The following SCLT1 variants were observed in gnomAD, a reference collection of about 807,000 sequenced individuals.
The protein encoded by SCLT1 is sodium channel and clathrin linker 1.
A neutral mutation model predicts 112.8 loss-of-function variants in SCLT1; 78 were observed. The observed-to-expected ratio is 0.69, with a 90% confidence interval of 0.58 to 0.83. The LOEUF is 0.83. Ranked by LOEUF, SCLT1 falls within the 40% of genes least tolerant of loss-of-function variation. The pLI is 0.00. For missense variants in SCLT1, 747 were observed against 770.4 expected, an observed-to-expected ratio of 0.97 and a Z score of 0.36; for synonymous variants, 257 against 254.7, an observed-to-expected ratio of 1.01 and a Z score of -0.09.
intron 18 of SCLT1, among the ~76,000 whole-genome samples, chr4:128,918,415 A>G (rs1735633126): frequency 6.6e-6 from 1 of 152,232 alleles, no homozygotes; most frequent in Non-Finnish European, 1.5e-5. Context: ...TAACAGTGCA[A>G]TCAACCAACC....
At chr4:128,982,445 G>A (rs897914157) in intron 9 of SCLT1, among the ~76,000 whole-genome samples, 2 of 152,264 alleles carry the variant, frequency 1.3e-5, no homozygotes, top group African/African-American at 4.8e-5. Flanking sequence ...CAAATTATAG[G>A]CTCCTTACAT....
chr4:129,020,032 A>G (rs979138074), intron 5 of SCLT1, among the ~76,000 whole-genome samples: 2 of 152,168 alleles, frequency 1.3e-5, no homozygotes, highest in African/African-American at 4.8e-5. Context: ...AAAATTTTAT[A>G]TCATCTGGTC....
In SCLT1 at chr4:129,027,823, C is replaced by G. The variant is rs189074179; in HGVS notation, c.290+11218G>C. Among the ~76,000 whole-genome samples, 249 of 152,292 alleles carry G rather than the reference C, an allele frequency of 1.6e-3. 2 individuals are homozygous for G. Among genetic ancestry groups the G allele is most frequent in the East Asian group, 0.014 (71 of 5,188 alleles). ...CTCCTTAAGCTGATAAGCAACTCAG[C>G]AAAGTCTCAGGATACAAAATCAATA... On this transcript the variant is annotated intron_variant, in intron 5 of 20. Coordinates refer to ENST00000281142, the MANE Select transcript of SCLT1 (RefSeq NM_144643.4).
At chr4:128,885,412 T>C (rs1732818211) in intron 20 of SCLT1, among the ~76,000 whole-genome samples, 1 of 152,210 alleles carries the variant, frequency 6.6e-6, no homozygotes, top group Non-Finnish European at 1.5e-5. Flanking sequence ...TCTTCATTCC[T>C]TTAATTTAAA....
intron 5 of SCLT1, among the ~76,000 whole-genome samples, chr4:129,019,441 C>T (rs551888403): frequency 6.6e-6 from 1 of 152,252 alleles, no homozygotes; most frequent in South Asian, 2.1e-4. Flanking sequence ...AATATGGCTG[C>T]ATCTCACTTT....
intron 8 of SCLT1, among the ~76,000 whole-genome samples, chr4:128,992,499 C>T (rs536709186): frequency 2.0e-5 from 3 of 151,884 alleles, no homozygotes; most frequent in Non-Finnish European, 2.9e-5. Context: ...GCTCATCTAT[C>T]CACCTGGGCA....
chr4:128,905,990 C>A (rs3113407), intron 18 of SCLT1, among the ~76,000 whole-genome samples: 31,765 of 151,890 alleles, frequency 0.21, 3,870 homozygotes, highest in African/African-American at 0.32. Context: ...AATGAAAACT[C>A]CTAAGGAGAA....
chr4:128,959,810 A>G (rs1374521079), intron 11 of SCLT1, 33 bp from the exon 12 acceptor site: 1 of 1,570,768 alleles, frequency 6.4e-7, no homozygotes, highest in Non-Finnish European at 8.7e-7. Flanking sequence ...GGAAAGTTAA[A>G]CTTTTTTAAA....
intron 18 of SCLT1, among the ~76,000 whole-genome samples, chr4:128,922,360 C>T (rs1210496757): frequency 6.6e-6 from 1 of 151,524 alleles, no homozygotes; most frequent in African/African-American, 2.4e-5. Flanking sequence ...TGTAGATTCA[C>T]TGTGGCACTA....
chr4:128,969,243 G>A (rs1310331309), intron 10 of SCLT1, among the ~76,000 whole-genome samples: 1 of 151,998 alleles, frequency 6.6e-6, no homozygotes, highest in Non-Finnish European at 1.5e-5. Flanking sequence ...CACTTTTTCT[G>A]TGTGTTTCTC....
intron 2 of SCLT1, among the ~76,000 whole-genome samples, chr4:129,053,557 ATTTTTTTTTTTTTTTTT>A (rs528905688): frequency 0.046 from 2,074 of 45,380 alleles, 118 homozygotes; most frequent in African/African-American, 0.18. Context: ...GCAATCCCTG[ATTTTTTTTTTTTTTTTT>A]TTTTTTTTTT....
intron 18 of SCLT1, among the ~76,000 whole-genome samples, chr4:128,914,703 G>A (rs1735348997): frequency 2.0e-5 from 3 of 152,060 alleles, no homozygotes; most frequent in Non-Finnish European, 4.4e-5. Flanking sequence ...ACAGAAAGAG[G>A]AGCAATCTAT....
intron 1 of SCLT1, among the ~76,000 whole-genome samples, chr4:129,086,978 C>A (rs1255199936): frequency 6.6e-6 from 1 of 152,178 alleles, no homozygotes; most frequent in Non-Finnish European, 1.5e-5. Flanking sequence ...TTATAGTACA[C>A]TAGACATCAG....
chr4:129,056,047 C>T (rs186078585), intron 2 of SCLT1, among the ~76,000 whole-genome samples: 105 of 152,252 alleles, frequency 6.9e-4, no homozygotes, highest in Admixed American at 1.6e-3. Flanking sequence ...AGGGAGACCC[C>T]GGCTGCTTGC....
At chr4:128,937,353 T>A (rs938686742) in intron 17 of SCLT1, among the ~76,000 whole-genome samples, 2 of 152,084 alleles carry the variant, frequency 1.3e-5, no homozygotes, top group Non-Finnish European at 2.9e-5. Flanking sequence ...AAACTTATAA[T>A]GTTATGTCAG....
intron 11 of SCLT1, among the ~76,000 whole-genome samples, chr4:128,961,668 T>G (rs1385770483): frequency 6.6e-6 from 1 of 152,194 alleles, no homozygotes; most frequent in Non-Finnish European, 1.5e-5. Context: ...CTGTCTAAAC[T>G]TAATCTGTAG....
intron 15 of SCLT1, among the ~76,000 whole-genome samples, chr4:128,946,503 C>G (rs985346594): frequency 6.6e-6 from 1 of 152,078 alleles, no homozygotes; most frequent in Non-Finnish European, 1.5e-5. Context: ...CCCAGGAGAT[C>G]GAGGCTGCAG....
chr4:128,931,477 T>C (rs113714802), intron 18 of SCLT1, among the ~76,000 whole-genome samples: 13 of 152,298 alleles, frequency 8.5e-5, no homozygotes, highest in African/African-American at 2.9e-4. Flanking sequence ...TTTTATTTTA[T>C]TTTGAGAGGG....
At chr4:128,972,454 G>C (rs539103436) in intron 9 of SCLT1, 1 of 151,728 alleles carries the variant, frequency 6.6e-6, no homozygotes, top group Non-Finnish European at 1.5e-5. Flanking sequence ...AAACCTGTTG[G>C]AGACACAGGA....
Sources: gnomAD v4.1 joint callset for allele counts (sites outside exome capture counted in the v4.1 genomes callset) on GRCh38, gnomAD v4.1.1 for gene constraint, MANE v1.5 for transcripts, NCBI Gene and HGNC (gene_info 2026-07-23, HGNC 2026-07-21) for gene names.